TTN: variants seen among roughly 807,000 people sequenced by gnomAD.
TTN encodes connectin.
Under a neutral mutation model 3,223.0 loss-of-function variants are expected in TTN, and 1,525 were observed. That is an observed-to-expected ratio of 0.47 (90% CI 0.45 to 0.49). The LOEUF is 0.49. TTN is among the 20% of genes least tolerant of loss of function. The pLI, the probability that TTN is intolerant of heterozygous loss-of-function variation, is 0.00. For missense variants in TTN, 40,786 were observed against 43,424.0 expected (o/e 0.94, Z 5.40); for synonymous variants, 14,094 against 15,161.0 (o/e 0.93, Z 5.17).
chr2:178,767,944 T>C lies in TTN; in HGVS notation c.9306-20A>G. On this transcript the variant is annotated intron_variant, in intron 39 of 362. Transcript: ENST00000589042. The stretch of plus-strand genomic sequence containing the variant: ...TTTATTCTATGGATGAAATGGAAAT[T>C]CGAGTTTACCGTATGGTGATTCAGA... 1 of 1,614,074 alleles carries C rather than the reference T, an allele frequency of 6.2e-7. No homozygotes were observed. Among genetic ancestry groups the C allele is most frequent in the Non-Finnish European group, 8.5e-7 (1 of 1,179,984 alleles).
intron 216 of TTN, 126 bp from the exon 217 acceptor site, chr2:178,646,156 AAGTTTACTTTTTAAGGTACGTAATACC>A: frequency 5.9e-6 from 1 of 168,098 alleles, no homozygotes; most frequent in Non-Finnish European, 1.1e-5. Flanking sequence ...ATGAAGTACA[AAGTTTACTTTTTAAGGTACGTAATACC>A]AGTATCCAAC....
In TTN at chr2:178,630,936, T is replaced by C; in HGVS notation, c.44022A>G (p.Glu14674=). 2 of 1,611,450 alleles carry C rather than the reference T, an allele frequency of 1.2e-6. No individual in the cohort carries two copies. Among genetic ancestry groups the C allele is most frequent in the Non-Finnish European group, 1.7e-6 (2 of 1,179,068 alleles). ...TGTGCAGGGGTCGCACCAGTTTAAT[T>C]TCCCGATCTAGAAAAGTGAAGGGCC... ...TSGKLDIEDR[E]IKLVRPLHSV... The change falls in exon 238 of 363, where the codon GAA becomes GAG. Residue 14674 remains glutamate, a synonymous_variant. Coordinates refer to ENST00000589042, the MANE Select transcript of TTN (RefSeq NM_001267550.2).
Position 178,730,980 on chromosome 2 carries a change from G to A in TTN, c.17685C>T (p.Phe5895=), listed in dbSNP as rs745855082. 19 of 1,612,522 alleles carry A rather than the reference G, an allele frequency of 1.2e-5. No homozygotes were observed. Among genetic ancestry groups the A allele is most frequent in the East Asian group, 6.7e-5 (3 of 44,852 alleles). ...TEKKDSGEYT[F]EVQNDVGRSS... ...TCCTCCCAACATCATTTTGGACCTCGAAAGTATATTCTCCACTATCTTTCT... is the reference window on the plus strand; with the variant it reads ...TCCTCCCAACATCATTTTGGACCTCAAAAGTATATTCTCCACTATCTTTCT... Residue 5895 remains phenylalanine (F), a synonymous_variant, in exon 60 of 363, where the codon TTC becomes TTT. Coordinates refer to ENST00000589042, the MANE Select transcript of TTN (RefSeq NM_001267550.2).
In TTN at chr2:178,533,712, A is replaced by G. The variant is rs762968139; in HGVS notation, c.102903T>C (p.Gly34301=). ...CAAATGTGTACTTCTTGTCATTGTC[A>G]CCTGGTTTGATTTTCTGACCTGATT... ...WYKSGQKIKP[G]DNDKKYTFES... Residue 34301 remains glycine, a synonymous_variant, in exon 358 of 363, where the codon GGT becomes GGC. Transcript: ENST00000589042. The G allele has an allele frequency of 4.3e-6, 7 of 1,613,696 alleles. No homozygotes were observed. The highest frequency in any genetic ancestry group is 4.2e-6 in the Non-Finnish European group (5 of 1,179,862).
intron 43 of TTN, among the ~76,000 whole-genome samples, chr2:178,762,341 A>G (rs1457893195): frequency 6.6e-6 from 1 of 152,220 alleles, no homozygotes; most frequent in Non-Finnish European, 1.5e-5. Flanking sequence ...ATAGGAAGTT[A>G]ATGATCTTCT....
In TTN at chr2:178,619,121, A is replaced by G. The variant is rs112166321; in HGVS notation, c.46697-268T>C. On this transcript the variant is annotated intron_variant, in intron 250 of 362. Coordinates refer to ENST00000589042, the MANE Select transcript of TTN (RefSeq NM_001267550.2). ...TGCCAAAAATAGTAACATAGGACTCAGTGTAGTGCAAAACATGTTTTGTTT... is the reference window on the plus strand; with the variant it reads ...TGCCAAAAATAGTAACATAGGACTCGGTGTAGTGCAAAACATGTTTTGTTT... 2.2e-3 allele frequency: 1,056 copies of G among 489,816 alleles called. 6 individuals carry two copies. The highest frequency in any genetic ancestry group is 0.019 in the African/African-American group (966 of 49,814). 30.3% of individuals were successfully genotyped at this position (489,816 alleles called of 1,614,324 possible). A position where few individuals can be genotyped will look rare whatever the true frequency, so the allele number is the denominator to read the frequency against.
rs755865502 is a variant in TTN, at chr2:178,734,585, G to A, written c.15239C>T (p.Thr5080Ile). Residue 5080 changes from threonine (T) to isoleucine (I), a missense_variant, in exon 52 of 363, where the codon ACT becomes ATT. Physicochemically the swap from Thr to Ile is moderately conservative, Grantham distance 89. Transcript: ENST00000589042. ...TCTCACTATGTCTGCAGGCTCAAGA[G>A]TTTTGATGAAAGAAGGAGGTTCTAC... The part of the protein sequence containing the change: ...VIKEPPSFIK[T>I]LEPADIVRGT... 6.4e-7 allele frequency: 1 copy of A among 1,574,334 alleles called. No homozygotes were observed. Among genetic ancestry groups the A allele is most frequent in the Non-Finnish European group, 8.6e-7 (1 of 1,160,446 alleles).
Position 178,573,581 on chromosome 2 carries a change from A to C in TTN, c.72551T>G (p.Val24184Gly). The C allele has an allele frequency of 1.3e-6, 2 of 1,494,608 alleles. No individual in the cohort carries two copies. Among genetic ancestry groups the C allele is most frequent in the Non-Finnish European group, 1.8e-6 (2 of 1,124,614 alleles). The allele number at this position is 1,494,608 out of a possible 1,614,324, so 92.6% of individuals were successfully genotyped here. ...ASEVQVTKLK[V>G]TKLLKGNEYI... ...TTCATTGCCTTTCAAGAGTTTAGTG[A>C]CCTTTAGCTTTGTTACTTGGACTTC... The change falls in exon 326 of 363, where the codon GTC (valine) becomes GGC (glycine). Residue 24184 changes from valine to glycine, a missense_variant. Val to Gly is a moderately radical substitution (Grantham distance 109). Transcript: ENST00000589042.
intron 162 of TTN, 96 bp downstream of exon 162, chr2:178,667,140 T>C: frequency 8.8e-7 from 1 of 1,139,508 alleles, no homozygotes; most frequent in Admixed American, 2.5e-5. Flanking sequence ...TATTTTAACA[T>C]TAGAGGTTGT....
At chr2:178,787,816 G>A (rs1457250486) in intron 13 of TTN, among the ~76,000 whole-genome samples, 1 of 151,946 alleles carries the variant, frequency 6.6e-6, no homozygotes, top group Non-Finnish European at 1.5e-5. Flanking sequence ...ACTTATTGGT[G>A]GACTACAAAT....
chr2:178,702,111 T>C (rs768072400), intron 108 of TTN, 45 bp from the exon 109 acceptor site: 11 of 1,613,352 alleles, frequency 6.8e-6, no homozygotes, highest in Non-Finnish European at 9.3e-6. Context: ...CAGAATGGTA[T>C]AGGTAGGCTA....
chr2:178,682,657 C>T (rs2069738871), intron 135 of TTN, 40 bp downstream of exon 135: 2 of 1,529,416 alleles, frequency 1.3e-6, no homozygotes, highest in African/African-American at 1.4e-5. Context: ...TGAGTGTGCA[C>T]ATATTTAGTG....
intron 112 of TTN, 35 bp downstream of exon 112, chr2:178,698,808 A>C (rs374425406): frequency 1.3e-6 from 2 of 1,527,978 alleles, no homozygotes; most frequent in African/African-American, 2.8e-5. Flanking sequence ...GCCAAGAAAA[A>C]AGTGTTAAGA....
intron 20 of TTN, 42 bp from the exon 21 acceptor site, chr2:178,781,305 A>T (rs1199121008): frequency 6.2e-7 from 1 of 1,609,134 alleles, no homozygotes. Flanking sequence ...GTTATCAACA[A>T]CTCTTCTGTG....
intron 71 of TTN, 180 bp from the exon 72 acceptor site, chr2:178,724,718 T>C (rs1006306761): frequency 1.5e-5 from 9 of 591,722 alleles, no homozygotes; most frequent in Non-Finnish European, 2.2e-5. Context: ...TTTTTTATTT[T>C]AATATTTTTT....
chr2:178,726,133 G>C, intron 69 of TTN, 87 bp from the exon 70 acceptor site: 1 of 1,434,670 alleles, frequency 7.0e-7, no homozygotes, highest in East Asian at 2.4e-5. Context: ...TGGAAGAAAG[G>C]TTTAAGATAT....
rs1324818657 is a variant in TTN, at chr2:178,722,498, T to G, written c.22289A>C (p.Gln7430Pro). 5 of 1,613,396 alleles carry G rather than the reference T, an allele frequency of 3.1e-6. No homozygotes were observed. The South Asian group carries it at 5.5e-5, about 18-fold the overall frequency. ...GAGTGTAACAGGTAACCCCACAGTT[T>G]GTTCAATGTCCTTTAATTGTCTTGC... Reference protein sequence around the residue: ...SFARQLKDIEQTVGLPVTLTC... With the variant: ...SFARQLKDIEPTVGLPVTLTC... The change falls in exon 77 of 363, where the codon CAA becomes CCA. Residue 7430 changes from glutamine to proline, a missense_variant. By Grantham distance (76) the Gln-to-Pro change is moderately conservative. Transcript: ENST00000589042.
At position 178,675,772 on chromosome 2, in the gene TTN, T is replaced by C. The variant is rs1248517520; in HGVS notation, c.34454-18A>G. The C allele has an allele frequency of 8.1e-6, 12 of 1,487,564 alleles. No individual in the cohort carries two copies. The highest frequency in any genetic ancestry group is 1.1e-5 in the Non-Finnish European group (12 of 1,121,740). The allele number at this position is 1,487,564 out of a possible 1,614,324, so 92.1% of individuals were successfully genotyped here. On this transcript the variant is annotated intron_variant, in intron 148 of 362. Transcript: ENST00000589042. ...CACAGACACTTTAAAAATATTATTT[T>C]ATTTTATAAGTTCAGTTTCACACAC...
chr2:178,782,661 C>G, intron 18 of TTN, 59 bp from the exon 19 acceptor site: 3 of 1,607,546 alleles, frequency 1.9e-6, no homozygotes, highest in Non-Finnish European at 2.6e-6. Flanking sequence ...CTGCTTAGCA[C>G]TGACAGTTAA....
Sources: gnomAD v4.1 joint callset for allele counts (sites outside exome capture counted in the v4.1 genomes callset) on GRCh38, gnomAD v4.1.1 for gene constraint, MANE v1.5 for transcripts, NCBI Gene and HGNC (gene_info 2026-07-23, HGNC 2026-07-21) for gene names.